SNX29: variants seen among roughly 807,000 people sequenced by gnomAD.
The protein encoded by SNX29 is sorting nexin-29.
SNX29 carries 78 observed loss-of-function variants against 102.1 expected under a neutral mutation model. The observed-to-expected ratio is 0.76, with a 90% CI of 0.64 to 0.92. The LOEUF (loss-of-function observed/expected upper bound fraction) is 0.92. Among genes scored for constraint, SNX29 ranks in the 40% least tolerant of loss-of-function variants. The pLI is 0.00. For missense variants in SNX29, 1,280 were observed against 1,061.7 expected, an observed-to-expected ratio of 1.21 and a Z score of -2.86; for synonymous variants, 580 against 414.5, an observed-to-expected ratio of 1.40 and a Z score of -4.85.
At chr16:12,510,732 C>A (rs896548591) in intron 19 of SNX29, among the ~76,000 whole-genome samples, 1 of 152,058 alleles carries the variant, frequency 6.6e-6, no homozygotes, top group African/African-American at 2.4e-5. Context: ...TCTCCTCCCC[C>A]ACCCCCCAGC....
intron 18 of SNX29, among the ~76,000 whole-genome samples, chr16:12,436,162 C>T (rs150857629): frequency 6.6e-6 from 1 of 152,282 alleles, no homozygotes; most frequent in African/African-American, 2.4e-5. Flanking sequence ...CTTTTCCTGG[C>T]GATGCCCGAG....
intron 11 of SNX29, among the ~76,000 whole-genome samples, chr16:12,107,654 CAAAA>C (rs540608506): frequency 2.6e-5 from 4 of 151,364 alleles, no homozygotes; most frequent in Non-Finnish European, 5.9e-5. Flanking sequence ...AAAACAAAAA[CAAAA>C]AAAAGAGGAG....
intron 8 of SNX29, among the ~76,000 whole-genome samples, chr16:12,055,968 T>A (rs191297508): frequency 8.5e-5 from 13 of 152,206 alleles, no homozygotes; most frequent in Non-Finnish European, 1.8e-4. Flanking sequence ...CTGCAACCTC[T>A]GCTCCCAGGT....
chr16:12,535,307 T>C (rs2077043967), intron 20 of SNX29, among the ~76,000 whole-genome samples: 1 of 152,044 alleles, frequency 6.6e-6, no homozygotes, highest in Non-Finnish European at 1.5e-5. Flanking sequence ...CCCAGCTAAT[T>C]TTTGTATTTT....
chr16:12,546,695 CTG>C (rs1179000640), intron 20 of SNX29: 4 of 152,142 alleles, frequency 2.6e-5, no homozygotes, highest in Admixed American at 6.6e-5. Flanking sequence ...TCTAGACCCA[CTG>C]TGATTAAAGC....
chr16:12,347,760 A>G lies in SNX29; in HGVS notation c.1783-8403A>G, dbSNP rs114917455. Reference sequence around the variant, plus strand: ...TGACAAACCTGTACAATAGGTGACAATAACCTCATTTGACAAATAAGATAC... The same window carrying G: ...TGACAAACCTGTACAATAGGTGACAGTAACCTCATTTGACAAATAAGATAC... On this transcript the variant is annotated intron_variant, in intron 15 of 20. Transcript: ENST00000566228. 1.6e-3 allele frequency among the ~76,000 whole-genome samples: 242 copies of G among 152,184 alleles called. 1 individual carries two copies. The highest frequency in any genetic ancestry group is 5.7e-3 in the African/African-American group (235 of 41,522).
At chr16:12,155,675 G>A (rs191383544) in intron 13 of SNX29, among the ~76,000 whole-genome samples, 4 of 152,318 alleles carry the variant, frequency 2.6e-5, no homozygotes, top group South Asian at 2.1e-4. Context: ...GTGGCATGCC[G>A]AGATGGAAAA....
At chr16:12,237,390 T>C (rs912996787) in intron 14 of SNX29, among the ~76,000 whole-genome samples, 1 of 152,232 alleles carries the variant, frequency 6.6e-6, no homozygotes, top group African/African-American at 2.4e-5. Context: ...TCCCAGATTT[T>C]GCAATTAAGG....
chr16:12,284,439 T>G (rs1434883374), intron 15 of SNX29, among the ~76,000 whole-genome samples: 1 of 152,190 alleles, frequency 6.6e-6, no homozygotes, highest in Non-Finnish European at 1.5e-5. Context: ...ATCCTGACTT[T>G]CTTTGGAGGG....
At chr16:12,417,402 A>T (rs9746199) in intron 18 of SNX29, among the ~76,000 whole-genome samples, 1 of 151,848 alleles carries the variant, frequency 6.6e-6, no homozygotes, top group African/African-American at 2.4e-5. Context: ...GCATCTGTCT[A>T]TGAGGGCCAG....
intron 15 of SNX29, among the ~76,000 whole-genome samples, chr16:12,298,241 G>T (rs1344918527): frequency 6.6e-6 from 1 of 152,176 alleles, no homozygotes; most frequent in Non-Finnish European, 1.5e-5. Flanking sequence ...TCAATGCTCA[G>T]TGAATAACTG....
At chr16:12,137,735 C>G (rs1289209668) in intron 13 of SNX29, among the ~76,000 whole-genome samples, 1 of 152,190 alleles carries the variant, frequency 6.6e-6, no homozygotes, top group Non-Finnish European at 1.5e-5. Flanking sequence ...AGTGTCCATT[C>G]AAAGGCACTG....
chr16:12,536,179 A>C (rs1302363353), intron 20 of SNX29, among the ~76,000 whole-genome samples: 1 of 152,138 alleles, frequency 6.6e-6, no homozygotes, highest in African/African-American at 2.4e-5. Flanking sequence ...AGCACACATC[A>C]CTCAGAAGAT....
In SNX29 at chr16:12,333,901, A is replaced by G. The variant is rs548192650; in HGVS notation, c.1783-22262A>G. ...AGAATGACAGGTGTGGCTGCCAGGC[A>G]GATGCATCCCGCGTTTCCGTGCCCT... On this transcript the variant is annotated intron_variant, in intron 15 of 20. Coordinates refer to ENST00000566228, the MANE Select transcript of SNX29 (RefSeq NM_032167.5). Among the ~76,000 whole-genome samples, 10 of 152,180 alleles carry G rather than the reference A, an allele frequency of 6.6e-5. No individual in the cohort carries two copies. The South Asian group carries it at 8.3e-4, about 13-fold the overall frequency.
chr16:12,571,787 C>A lies in SNX29; in HGVS notation c.*3158C>A. Reference sequence around the variant, plus strand: ...CTGAGACAGAACCTTCTCCGCCACTCTTCCTGCAATCAGTGTGAAATTCCA... The same window carrying A: ...CTGAGACAGAACCTTCTCCGCCACTATTCCTGCAATCAGTGTGAAATTCCA... On this transcript the variant is annotated 3_prime_UTR_variant, in exon 21 of 21. Coordinates refer to ENST00000566228, the MANE Select transcript of SNX29 (RefSeq NM_032167.5). 1 of 1,012,854 alleles carries A rather than the reference C, an allele frequency of 9.9e-7. No homozygotes were observed. Among genetic ancestry groups the A allele is most frequent in the Non-Finnish European group, 1.2e-6 (1 of 832,546 alleles). The allele number at this position is 1,012,854 out of a possible 1,614,324, so 62.7% of individuals were successfully genotyped here.
chr16:12,439,706 T>G (rs1285638639), intron 18 of SNX29, among the ~76,000 whole-genome samples: 4 of 150,328 alleles, frequency 2.7e-5, no homozygotes, highest in Non-Finnish European at 5.9e-5. Flanking sequence ...AAGATGAGAT[T>G]GGGGTGGGGA....
At chr16:12,276,547 G>A (rs1469969741) in intron 14 of SNX29, among the ~76,000 whole-genome samples, 1 of 152,160 alleles carries the variant, frequency 6.6e-6, no homozygotes, top group East Asian at 1.9e-4. Flanking sequence ...TCAGATCCTT[G>A]TTTAGCCTCA....
intron 20 of SNX29, chr16:12,560,651 C>G (rs1352127278): frequency 2.6e-5 from 4 of 154,986 alleles, no homozygotes; most frequent in African/African-American, 9.6e-5. Context: ...CACCACCTAA[C>G]TAGCATCTTG....
Position 12,105,891 on chromosome 16 carries a change from T to G in SNX29, c.1403-20742T>G, listed in dbSNP as rs547822698. Among the ~76,000 whole-genome samples, 3 of 152,272 alleles carry G rather than the reference T, an allele frequency of 2.0e-5. No homozygotes were observed. In the South Asian group the frequency reaches 6.2e-4, roughly 32 times the overall value. ...TGAGTGGAGAAGTTGGGTGGGGGAC[T>G]GCGACCATATTTACCAGCGAGCTCA... On this transcript the variant is annotated intron_variant, in intron 11 of 20. Coordinates refer to ENST00000566228, the MANE Select transcript of SNX29 (RefSeq NM_032167.5).
Sources: gnomAD v4.1 joint callset for allele counts (sites outside exome capture counted in the v4.1 genomes callset) on GRCh38, gnomAD v4.1.1 for gene constraint, MANE v1.5 for transcripts, NCBI Gene and HGNC (gene_info 2026-07-23, HGNC 2026-07-21) for gene names.